SPDL1: variants seen among roughly 807,000 people sequenced by gnomAD.
SPDL1 encodes the protein protein Spindly.
Under a neutral mutation model 79.5 loss-of-function variants are expected in SPDL1, and 85 were observed. That is an observed-to-expected ratio of 1.07 (90% CI 0.90 to 1.28). The LOEUF (loss-of-function observed/expected upper bound fraction) is 1.28, where lower values mean the gene tolerates loss of function less well. Among genes scored for constraint, SPDL1 ranks in the 50% most tolerant of loss-of-function variants. The pLI, the probability that SPDL1 is intolerant of heterozygous loss-of-function variation, is 0.00. For synonymous variants in SPDL1, 269 were observed against 240.3 expected, an observed-to-expected ratio of 1.12 and a Z score of -1.10; for missense variants, 703 against 697.8, an observed-to-expected ratio of 1.01 and a Z score of -0.08.
intron 5 of SPDL1, 34 bp from the exon 6 acceptor site, chr5:169,594,360 C>T (rs764882094): frequency 1.2e-5 from 20 of 1,611,990 alleles, no homozygotes; most frequent in Non-Finnish European, 1.6e-5. Flanking sequence ...CTAATGTAAT[C>T]TCTGTTGCCT....
rs777291778 is a variant in SPDL1 at position 169,598,545 on chromosome 5, A to G, written c.1102A>G (p.Thr368Ala). Reference sequence around the variant, plus strand: ...TACTCTGGAAGATAACACCTATTATACAGATTTACTTCAGATGAAGCTGGA... The same window carrying G: ...TACTCTGGAAGATAACACCTATTATGCAGATTTACTTCAGATGAAGCTGGA... ...SGTLEDNTYY[T>A]DLLQMKLDNL... is the part of the protein sequence containing the mutation. The change falls in exon 9 of 12, where the codon ACA becomes GCA. Residue 368 changes from threonine to alanine, a missense_variant. By Grantham distance (58) the Thr-to-Ala change is moderately conservative (BLOSUM62 0). Transcript: ENST00000265295. The G allele has an allele frequency of 8.7e-6, 14 of 1,612,706 alleles. No homozygotes were observed. In the South Asian group the frequency reaches 1.3e-4, roughly 15 times the overall value.
At position 169,601,415 on chromosome 5, in the gene SPDL1, C is replaced by G; in HGVS notation, c.1460C>G (p.Thr487Arg). The G allele has an allele frequency of 6.2e-7, 1 of 1,614,140 alleles. No homozygotes were observed. Residue 487 changes from threonine to arginine, a missense_variant, in exon 11 of 12, where the codon ACA becomes AGA. Coordinates refer to ENST00000265295, the MANE Select transcript of SPDL1 (RefSeq NM_017785.5). ...CGATTACCGCCTCAGAAAGAGGAGA[C>G]ACAGTCCTGCCCTAACAGTTTAGAA... ...VYRLPPQKEE[T>R]QSCPNSLEDN...
chr5:169,598,691 A>G, intron 9 of SPDL1, 112 bp downstream of exon 9: 1 of 1,041,664 alleles, frequency 9.6e-7, no homozygotes, highest in Non-Finnish European at 1.5e-6. Flanking sequence ...TCCGAAAAGA[A>G]AGGTAACAAA....
chr5:169,602,698 A>T (rs1389532030), intron 11 of SPDL1, among the ~76,000 whole-genome samples: 1 of 152,244 alleles, frequency 6.6e-6, no homozygotes, highest in Non-Finnish European at 1.5e-5. Context: ...TGCTATTATT[A>T]TAAGGCATAG....
At chr5:169,590,875 G>A (rs749261879) in intron 2 of SPDL1, 173 bp from the exon 3 acceptor site, 2 of 686,234 alleles carry the variant, frequency 2.9e-6, no homozygotes, top group Admixed American at 2.1e-5. Context: ...ACACCTCAGG[G>A]GTTTATTAAG....
In SPDL1 at chr5:169,604,658, A is replaced by G. The variant is rs1285256445; in HGVS notation, c.*451A>G. 1 of 152,250 alleles carries G rather than the reference A, an allele frequency of 6.6e-6. No homozygotes were observed. Among genetic ancestry groups the G allele is most frequent in the African/African-American group, 2.4e-5 (1 of 41,466 alleles). The allele number at this position is 152,250 out of a possible 1,614,324, so 9.4% of individuals were successfully genotyped here. ...ATAGGAAATGTGGCTTAAAATATAT[A>G]CATTATATTGTTTCAGGATTTTGTC... is the stretch of plus-strand genomic sequence containing the variant. On this transcript the variant is annotated 3_prime_UTR_variant, in exon 12 of 12. Transcript: ENST00000265295.
intron 7 of SPDL1, 55 bp from the exon 8 acceptor site, chr5:169,596,506 A>T: frequency 6.9e-7 from 1 of 1,449,414 alleles, no homozygotes; most frequent in Non-Finnish European, 9.6e-7. Flanking sequence ...AAAAGTAGTT[A>T]TCAGAATCTT....
chr5:169,593,913 A>C (rs1755435624), intron 4 of SPDL1, among the ~76,000 whole-genome samples: 1 of 152,250 alleles, frequency 6.6e-6, no homozygotes, highest in South Asian at 2.1e-4. Context: ...TTAATTAAAA[A>C]TTAAAGCCTG....
intron 11 of SPDL1, among the ~76,000 whole-genome samples, chr5:169,603,557 A>C (rs558519294): frequency 5.3e-5 from 8 of 152,148 alleles, no homozygotes; most frequent in Non-Finnish European, 1.0e-4. Flanking sequence ...GATATTCTTT[A>C]GACTTAAAAA....
chr5:169,599,327 G>A (rs1238513020), intron 10 of SPDL1, among the ~76,000 whole-genome samples, 168 bp downstream of exon 10: 1 of 152,106 alleles, frequency 6.6e-6, no homozygotes, highest in East Asian at 1.9e-4. Context: ...GGAAAATTCA[G>A]GGAGAACTGG....
intron 8 of SPDL1, among the ~76,000 whole-genome samples, chr5:169,597,273 T>G (rs966406239): frequency 2.2e-4 from 33 of 151,454 alleles, no homozygotes; most frequent in Admixed American, 6.6e-5. Flanking sequence ...TGTGTAAGAA[T>G]TCACCCATGT....
chr5:169,601,257 T>TC, intron 10 of SPDL1, 23 bp from the exon 11 acceptor site: 1 of 1,570,476 alleles, frequency 6.4e-7, no homozygotes. Context: ...TTTTTTCTTT[T>TC]CCCCACTCGT....
At position 169,597,565 on chromosome 5, in the gene SPDL1, C is replaced by T. The variant is rs553340949; in HGVS notation, c.1032+864C>T. On this transcript the variant is annotated intron_variant, in intron 8 of 11. Coordinates refer to ENST00000265295, the MANE Select transcript of SPDL1 (RefSeq NM_017785.5). ...CTGTCTATTTTTGAATGTTAGCTTTCATTTACAAACATCTTGTCTAGCACC... is the reference window on the plus strand; with the variant it reads ...CTGTCTATTTTTGAATGTTAGCTTTTATTTACAAACATCTTGTCTAGCACC... Among the ~76,000 whole-genome samples the T allele has an allele frequency of 2.6e-5, 4 of 152,112 alleles. No individual in the cohort carries two copies. In the South Asian group the frequency reaches 8.3e-4, roughly 32 times the overall value.
At chr5:169,591,584 A>G (rs1448156701) in intron 3 of SPDL1, among the ~76,000 whole-genome samples, 1 of 152,208 alleles carries the variant, frequency 6.6e-6, no homozygotes, top group African/African-American at 2.4e-5. Context: ...ATTCTGTAAA[A>G]CAGACCAGTA....
At chr5:169,594,094 A>G (rs17644562) in intron 4 of SPDL1, 51 bp from the exon 5 acceptor site, 77,642 of 1,493,888 alleles carry the variant, frequency 0.052, 2,193 homozygotes, top group African/African-American at 0.056. Context: ...GCAGCTGCCA[A>G]ATGAAAGATT....
At chr5:169,595,956 C>A (rs926717785) in intron 7 of SPDL1, 1 of 152,100 alleles carries the variant, frequency 6.6e-6, no homozygotes, top group African/African-American at 2.4e-5. Context: ...GAAAGAAATG[C>A]TAGATTTAGA....
Position 169,599,053 on chromosome 5 carries a change from T to C in SPDL1, c.1218T>C (p.Ile406=), listed in dbSNP as rs998741374. 22 of 1,602,290 alleles carry C rather than the reference T, an allele frequency of 1.4e-5. No individual in the cohort carries two copies. The African/African-American group carries it at 2.3e-4, about 17-fold the overall frequency. Residue 406 remains isoleucine, a synonymous_variant, in exon 10 of 12, where the codon ATT becomes ATC. Coordinates refer to ENST00000265295, the MANE Select transcript of SPDL1 (RefSeq NM_017785.5). The part of the protein sequence containing the change: ...ALFESQRALD[I]ERKLFANERC... Reference sequence around the variant, plus strand: ...TTGAGAGCCAGCGGGCTCTAGATATTGAGCGAAAACTTTTTGCAAATGAAA... The same window carrying C: ...TTGAGAGCCAGCGGGCTCTAGATATCGAGCGAAAACTTTTTGCAAATGAAA...
In SPDL1 at chr5:169,588,466, A is replaced by G. The variant is rs760305765; in HGVS notation, c.50A>G (p.Glu17Gly). 29 of 1,613,912 alleles carry G rather than the reference A, an allele frequency of 1.8e-5. No individual in the cohort carries two copies. Among genetic ancestry groups the G allele is most frequent in the South Asian group, 4.4e-5 (4 of 90,996 alleles). The change falls in exon 2 of 12, where the codon GAA (glutamate) becomes GGA (glycine). Residue 17 changes from glutamate (E) to glycine (G), a missense_variant. By Grantham distance (98) the Glu-to-Gly change is moderately conservative. Transcript: ENST00000265295. ...CTTCGATGCAGGCTCAAAGAGGCTGAAGAAGAGCGACTAAAAGCTGCACAG... is the reference window on the plus strand; with the variant it reads ...CTTCGATGCAGGCTCAAAGAGGCTGGAGAAGAGCGACTAAAAGCTGCACAG... ...TNLRCRLKEA[E>G]EERLKAAQYG...
rs1756082871 is a variant in SPDL1, at chr5:169,604,359, A to G, written c.*152A>G. The G allele has an allele frequency of 1.4e-6, 1 of 703,756 alleles. No homozygotes were observed. The highest frequency in any genetic ancestry group is 3.4e-5 in the Admixed American group (1 of 29,214). The allele number at this position is 703,756 out of a possible 1,614,324, so 43.6% of individuals were successfully genotyped here. A position where few individuals can be genotyped will look rare whatever the true frequency, so the allele number is the denominator to read the frequency against. ...CATGTGCCTTTGACCAAGTGTTCAG[A>G]ATTTGCTTGACTCTAACCTGGAGAG... On this transcript the variant is annotated 3_prime_UTR_variant, in exon 12 of 12. Transcript: ENST00000265295.
Sources: gnomAD v4.1 joint callset for allele counts (sites outside exome capture counted in the v4.1 genomes callset) on GRCh38, gnomAD v4.1.1 for gene constraint, MANE v1.5 for transcripts, NCBI Gene and HGNC (gene_info 2026-07-23, HGNC 2026-07-21) for gene names.